The following OGT variants were observed in gnomAD, a reference collection of about 807,000 sequenced individuals.
The protein encoded by OGT is UDP-N-acetylglucosamine--peptide N-acetylglucosaminyltransferase 110 kDa subunit.
Under a neutral mutation model 75.8 loss-of-function variants are expected in OGT, and 3 were observed. That is an observed-to-expected ratio of 0.04 (90% confidence interval 0.02 to 0.10). OGT has a LOEUF of 0.10. Ranked by LOEUF, OGT falls within the 10% of genes least tolerant of loss-of-function variation. OGT has a pLI of 1.00. For missense variants in OGT, 260 were observed against 824.4 expected (o/e 0.32, Z 8.38); for synonymous variants, 257 against 289.7 (o/e 0.89, Z 1.15).
At chrX:71,535,310 T>A (rs1195272933) in intron 1 of OGT, among the ~76,000 whole-genome samples, 4 of 111,794 alleles carry the variant, frequency 3.6e-5, no homozygotes, top group African/African-American at 1.3e-4. Context: ...TGCAGGTAAC[T>A]GCCTGGCTTA....
chrX:71,554,499 C>T lies in OGT; in HGVS notation c.649-14C>T. ...TAACTTGCTCTGAGTAACTAACTGT[C>T]TTGAAATTTTTAGGCTGTCACCCTT... On this transcript the variant is annotated splice_polypyrimidine_tract_variant and intron_variant, in intron 5 of 21. Coordinates refer to ENST00000373719, the MANE Select transcript of OGT (RefSeq NM_181672.3). 1 of 1,181,766 alleles carries T rather than the reference C, an allele frequency of 8.5e-7. No homozygotes were observed. Among genetic ancestry groups the T allele is most frequent in the Admixed American group, 2.2e-5 (1 of 45,860 alleles).
chrX:71,544,348 T>G (rs745389827), intron 3 of OGT, among the ~76,000 whole-genome samples: 32 of 112,202 alleles, frequency 2.9e-4, no homozygotes, highest in Non-Finnish European at 6.0e-4. Context: ...AATAGTTTCA[T>G]GTCACCTCAA....
chrX:71,534,212 G>A (rs1227294238), intron 1 of OGT: 1 of 111,416 alleles, frequency 9.0e-6, no homozygotes. Flanking sequence ...CGCCGCCTCT[G>A]GGTCTGCCAT....
rs768395864 is a variant in OGT, at chrX:71,574,762, T to A, written c.*968T>A. 1 of 109,290 alleles carries A rather than the reference T, an allele frequency of 9.1e-6. No homozygotes were observed. Among genetic ancestry groups the A allele is most frequent in the Non-Finnish European group, 1.9e-5 (1 of 52,350 alleles). The allele number at this position is 109,290 out of a possible 1,213,427, so 9.0% of individuals were successfully genotyped here. On this transcript the variant is annotated 3_prime_UTR_variant, in exon 22 of 22. Transcript: ENST00000373719. The stretch of plus-strand genomic sequence containing the variant: ...TACCTTCCTTTCTAAAGTTTTTTTT[T>A]TTTTTTTTTAAGTGAGTCCTGTTCT...
intron 5 of OGT, among the ~76,000 whole-genome samples, chrX:71,551,214 T>C (rs1324713440): frequency 8.9e-6 from 1 of 112,393 alleles, no homozygotes; most frequent in African/African-American, 3.2e-5. Context: ...AGCATATGTC[T>C]TCCCTCTCCT....
intron 1 of OGT, among the ~76,000 whole-genome samples, chrX:71,533,565 T>G (rs2040150554): frequency 8.9e-6 from 1 of 111,947 alleles, no homozygotes; most frequent in Non-Finnish European, 1.9e-5. Context: ...CCTTTCTTGC[T>G]TTGTTTTTAT....
chrX:71,540,321 G>A (rs1413124751), intron 3 of OGT, among the ~76,000 whole-genome samples: 1 of 112,215 alleles, frequency 8.9e-6, no homozygotes, highest in Non-Finnish European at 1.9e-5. Flanking sequence ...CCTTGCGTCT[G>A]TTCCTTATGT....
rs1395376403 is a variant in OGT, at chrX:71,563,576, G to A, written c.2436+77G>A. On this transcript the variant is annotated intron_variant, in intron 18 of 21. Coordinates refer to ENST00000373719, the MANE Select transcript of OGT (RefSeq NM_181672.3). ...TCCCTTAACCTCATGATAACTCTAG[G>A]AGGCAAGTATCATTATCACCATTTT... 11 of 804,063 alleles carry A rather than the reference G, an allele frequency of 1.4e-5. No homozygotes were observed. The South Asian group carries it at 2.8e-4, about 20-fold the overall frequency. 66.3% of individuals were successfully genotyped at this position (804,063 alleles called of 1,213,427 possible). A position where few individuals can be genotyped will look rare whatever the true frequency, so the allele number is the denominator to read the frequency against.
chrX:71,534,453 G>A (rs997824598), intron 1 of OGT: 1 of 110,848 alleles, frequency 9.0e-6, no homozygotes, highest in Non-Finnish European at 1.9e-5. Flanking sequence ...TGGGCGGAAG[G>A]GGGTGGGGAA....
At chrX:71,572,813 C>T (rs1337900963) in intron 21 of OGT, among the ~76,000 whole-genome samples, 2 of 112,087 alleles carry the variant, frequency 1.8e-5, no homozygotes, top group East Asian at 2.8e-4. Context: ...TAAAAATGCA[C>T]AGAAATGTTC....
At chrX:71,543,797 C>CT (rs1304788174) in intron 3 of OGT, among the ~76,000 whole-genome samples, 67 of 55,470 alleles carry the variant, frequency 1.2e-3, no homozygotes, top group Admixed American at 1.0e-3. Flanking sequence ...TATATATTTC[C>CT]TTTTTTTTTT....
intron 21 of OGT, among the ~76,000 whole-genome samples, chrX:71,572,501 C>T (rs764163370): frequency 2.7e-5 from 3 of 112,553 alleles, no homozygotes; most frequent in Non-Finnish European, 3.8e-5. Flanking sequence ...GGCGTGGTGG[C>T]GCATGCCTAT....
chrX:71,556,293 A>T (rs948611409), intron 8 of OGT, among the ~76,000 whole-genome samples, 199 bp downstream of exon 8: 4 of 112,518 alleles, frequency 3.6e-5, no homozygotes, highest in African/African-American at 1.3e-4. Context: ...TTCAGAGTTC[A>T]TTATTCTGTG....
rs1312926286 is a variant in OGT, at chrX:71,573,802, C to G, written c.*8C>G. ...GTCACTGAGTCAGCATAAATAAAGA[C>G]TGCACAGGAGAATTACCCCTATACC... On this transcript the variant is annotated 3_prime_UTR_variant, in exon 22 of 22. Transcript: ENST00000373719. The G allele has an allele frequency of 2.5e-6, 3 of 1,177,618 alleles. No individual in the cohort carries two copies. The highest frequency in any genetic ancestry group is 3.4e-6 in the Non-Finnish European group (3 of 876,806).
At chrX:71,567,920 C>G (rs1032439016) in intron 20 of OGT, 73 bp from the exon 21 acceptor site, 2 of 1,133,097 alleles carry the variant, frequency 1.8e-6, no homozygotes, top group African/African-American at 3.6e-5. Context: ...TGTGTGGAGG[C>G]TTAACATAAA....
intron 5 of OGT, among the ~76,000 whole-genome samples, chrX:71,549,864 A>C (rs1407474920): frequency 8.9e-6 from 1 of 112,058 alleles, no homozygotes; most frequent in African/African-American, 3.2e-5. Context: ...CAGGAATTTA[A>C]AAAAAATTTT....
At chrX:71,553,290 C>T (rs746557614) in intron 5 of OGT, among the ~76,000 whole-genome samples, 65 of 111,137 alleles carry the variant, frequency 5.8e-4, no homozygotes, top group Non-Finnish European at 9.1e-4. Context: ...GACGGGGTTT[C>T]GCCATGTTGG....
chrX:71,573,738 G>T lies in OGT; in HGVS notation c.3085G>T (p.Ala1029Ser). Residue 1029 changes from alanine to serine, a missense_variant, in exon 22 of 22, where the codon GCT (alanine) becomes TCT (serine). Around this residue, in one of 6 missense-constraint regions of OGT, gnomAD observed 34 missense variants for 57.5 expected, o/e 0.59. Coordinates refer to ENST00000373719, the MANE Select transcript of OGT (RefSeq NM_181672.3). ...TCTACAGATGTGGGAGCATTATGCA[G>T]CTGGCAACAAACCTGACCACATGAT... ...LYLQMWEHYA[A>S]GNKPDHMIKP... The T allele has an allele frequency of 8.3e-7, 1 of 1,209,853 alleles. No homozygotes were observed. The highest frequency in any genetic ancestry group is 1.1e-6 in the Non-Finnish European group (1 of 894,302).
At chrX:71,547,634 G>C in intron 4 of OGT, 4 of 980,446 alleles carry the variant, frequency 4.1e-6, no homozygotes, top group Non-Finnish European at 5.1e-6. Flanking sequence ...TTAAGTCCCA[G>C]TGTAAGGGTT....
Sources: gnomAD v4.1 joint callset for allele counts (sites outside exome capture counted in the v4.1 genomes callset) on GRCh38, gnomAD v4.1.1 for gene constraint, gnomAD v4.1.1 regional missense constraint, MANE v1.5 for transcripts, NCBI Gene and HGNC (gene_info 2026-07-23, HGNC 2026-07-21) for gene names.